Variants in KIAA1217 observed in about 807,000 individuals in gnomAD.
KIAA1217 encodes KIAA1217.
Under a neutral mutation model 163.9 loss-of-function variants are expected in KIAA1217, and 88 were observed. That is an observed-to-expected ratio of 0.54 (90% CI 0.45 to 0.64). KIAA1217 has a LOEUF of 0.64. KIAA1217 is among the 30% of genes least tolerant of loss of function. The pLI, the probability that KIAA1217 is intolerant of heterozygous loss-of-function variation, is 0.00. For missense variants in KIAA1217, 2,372 were observed against 2,475.0 expected, an observed-to-expected ratio of 0.96 and a Z score of 0.88; for synonymous variants, 903 against 923.1, an observed-to-expected ratio of 0.98 and a Z score of 0.39.
rs368692159 is a variant in KIAA1217, at chr10:24,278,999, G to A, written c.354+59090G>A. On this transcript the variant is annotated intron_variant, in intron 2 of 20. Coordinates refer to ENST00000376454, the MANE Select transcript of KIAA1217 (RefSeq NM_019590.5). ...AGCCTCCTGAGTAGCTGGGATTACAGTCACGGGCCACCACTAATTTTTGTA... is the reference window on the plus strand; with the variant it reads ...AGCCTCCTGAGTAGCTGGGATTACAATCACGGGCCACCACTAATTTTTGTA... Among the ~76,000 whole-genome samples the A allele has an allele frequency of 1.2e-4, 18 of 152,066 alleles. 1 individual carries two copies. The highest frequency in any genetic ancestry group is 9.8e-4 in the Admixed American group (15 of 15,252).
intron 2 of KIAA1217, among the ~76,000 whole-genome samples, chr10:24,324,157 A>G (rs114862669): frequency 0.031 from 4,707 of 152,156 alleles, 246 homozygotes; most frequent in African/African-American, 0.11. Flanking sequence ...AGTCCCAGCT[A>G]CCACGGAGGC....
chr10:23,750,985 T>TCCTTC (rs201432766), intron 1 of KIAA1217, among the ~76,000 whole-genome samples: 1,771 of 150,014 alleles, frequency 0.012, 31 homozygotes, highest in African/African-American at 0.041. Flanking sequence ...TTCTTCCCTT[T>TCCTTC]CCTTCCCTTC....
At chr10:24,462,067 TATATGTATAC>T (rs1460085817) in intron 5 of KIAA1217, among the ~76,000 whole-genome samples, 2 of 152,114 alleles carry the variant, frequency 1.3e-5, no homozygotes, top group Admixed American at 6.6e-5. Flanking sequence ...TACATATATG[TATATGTATAC>T]ATATGTATAA....
At chr10:23,743,466 GACATT>G (rs1839230826) in intron 1 of KIAA1217, among the ~76,000 whole-genome samples, 1 of 152,180 alleles carries the variant, frequency 6.6e-6, no homozygotes, top group African/African-American at 2.4e-5. Flanking sequence ...AGCAAGAGGG[GACATT>G]TCTATTAAGA....
intron 1 of KIAA1217, among the ~76,000 whole-genome samples, chr10:23,855,345 T>C (rs1192403617): frequency 6.6e-6 from 1 of 152,180 alleles, no homozygotes; most frequent in Non-Finnish European, 1.5e-5. Flanking sequence ...TATTGGCCCC[T>C]ACTCTCTTCT....
chr10:24,441,250 A>G (rs2060475484), intron 5 of KIAA1217, among the ~76,000 whole-genome samples: 1 of 152,134 alleles, frequency 6.6e-6, no homozygotes, highest in Non-Finnish European at 1.5e-5. Context: ...CTCACTCCCC[A>G]GCCTCCAGAG....
chr10:24,100,617 C>A (rs1168731853), intron 2 of KIAA1217, among the ~76,000 whole-genome samples: 1 of 152,162 alleles, frequency 6.6e-6, no homozygotes, highest in Admixed American at 6.5e-5. Flanking sequence ...GCAAGGCTGT[C>A]ATTTAGTTTG....
rs1011100990 is a variant in KIAA1217 at position 24,427,266 on chromosome 10, G to T, written c.554-5729G>T. On this transcript the variant is annotated intron_variant, in intron 3 of 20. Transcript: ENST00000376454. Reference sequence around the variant, plus strand: ...CTAACCCTGTGATGGCATTCCCTTCGGTTGAGGTAAAGACGGGAATCTTTT... The same window carrying T: ...CTAACCCTGTGATGGCATTCCCTTCTGTTGAGGTAAAGACGGGAATCTTTT... Among the ~76,000 whole-genome samples, 3 of 150,508 alleles carry T rather than the reference G, an allele frequency of 2.0e-5. No homozygotes were observed. The South Asian group carries it at 6.3e-4, about 32-fold the overall frequency.
At chr10:24,078,533 G>A (rs776056702) in intron 2 of KIAA1217, among the ~76,000 whole-genome samples, 9 of 152,342 alleles carry the variant, frequency 5.9e-5, no homozygotes, top group Non-Finnish European at 1.3e-4. Context: ...CAATGCTGAT[G>A]TGTGGGCAAA....
intron 1 of KIAA1217, among the ~76,000 whole-genome samples, chr10:23,772,433 T>C (rs900991411): frequency 5.3e-5 from 8 of 151,724 alleles, no homozygotes; most frequent in African/African-American, 1.7e-4. Context: ...ATAATAATAA[T>C]AAAGAAATGC....
chr10:23,721,871 A>G (rs1837887757), intron 1 of KIAA1217, among the ~76,000 whole-genome samples: 1 of 152,146 alleles, frequency 6.6e-6, no homozygotes, highest in African/African-American at 2.4e-5. Context: ...CCTGTATTTT[A>G]TCATTTTCTT....
intron 2 of KIAA1217, among the ~76,000 whole-genome samples, chr10:24,191,041 A>G (rs2066693911): frequency 6.6e-6 from 1 of 152,146 alleles, no homozygotes; most frequent in Non-Finnish European, 1.5e-5. Context: ...ACAAAATACA[A>G]AAATTAGCTG....
intron 3 of KIAA1217, among the ~76,000 whole-genome samples, chr10:24,398,044 A>G (rs2056057590): frequency 6.6e-6 from 1 of 151,998 alleles, no homozygotes; most frequent in Admixed American, 6.6e-5. Flanking sequence ...AGGGGCGCTG[A>G]CTCCCCATGC....
intron 8 of KIAA1217, among the ~76,000 whole-genome samples, chr10:24,498,930 G>A (rs988526342): frequency 1.3e-5 from 2 of 152,228 alleles, no homozygotes; most frequent in African/African-American, 2.4e-5. Context: ...CGAGGGGAGG[G>A]AGGTACCTTG....
intron 1 of KIAA1217, among the ~76,000 whole-genome samples, chr10:23,838,439 T>C (rs1352967474): frequency 6.6e-6 from 1 of 151,966 alleles, no homozygotes; most frequent in East Asian, 1.9e-4. Context: ...AACAGACTTA[T>C]GTTTATTGAC....
At chr10:23,819,448 C>T (rs554989121) in intron 1 of KIAA1217, among the ~76,000 whole-genome samples, 8 of 152,014 alleles carry the variant, frequency 5.3e-5, no homozygotes, top group South Asian at 4.2e-4. Context: ...TGAGAGATGA[C>T]GTGGACTGCT....
intron 2 of KIAA1217, among the ~76,000 whole-genome samples, chr10:24,249,056 T>C (rs1057111135): frequency 1.3e-5 from 2 of 152,250 alleles, no homozygotes; most frequent in Non-Finnish European, 2.9e-5. Flanking sequence ...ACGAGTGTAG[T>C]GGACGTGATT....
intron 1 of KIAA1217, among the ~76,000 whole-genome samples, chr10:23,903,135 A>C (rs1229477348): frequency 6.6e-6 from 1 of 152,110 alleles, no homozygotes; most frequent in African/African-American, 2.4e-5. Flanking sequence ...GGAAATGGGA[A>C]TGAAGATAAG....
In KIAA1217 at chr10:24,009,828, TC is replaced by T. The variant is rs764259156; in HGVS notation, c.-171+2455del. Among the ~76,000 whole-genome samples the T allele has an allele frequency of 7.0e-4, 107 of 152,262 alleles. 1 individual carries two copies. The highest frequency in any genetic ancestry group is 1.4e-3 in the Non-Finnish European group (93 of 68,016). ...TCTCTGCTGCAGGAGTTGTTGGAAC[TC>T]TTTTGCTTTCTGAGCTTGGGAGATT... On this transcript the variant is annotated intron_variant, in intron 2 of 18. Transcript: ENST00000376462.
Sources: allele counts gnomAD v4.1 joint callset (sites outside exome capture counted in the v4.1 genomes callset), GRCh38; gene constraint gnomAD v4.1.1; transcripts MANE v1.5; gene names NCBI Gene and HGNC (gene_info 2026-07-23, HGNC 2026-07-21).